Variants in KCNIP1 observed in about 807,000 individuals in gnomAD.
KCNIP1 encodes potassium voltage-gated channel interacting protein 1, also known as A-type potassium channel modulatory protein KCNIP1.
Under a neutral mutation model 33.0 loss-of-function variants are expected in KCNIP1, and 18 were observed. The ratio of observed to expected loss-of-function variants is 0.55; its 90% confidence interval spans 0.38 to 0.81. The LOEUF is 0.81. KCNIP1 is among the 30% of genes least tolerant of loss of function. The probability of loss-of-function intolerance (pLI) is 0.00; values close to 1 mark genes in which losing one functional copy is unlikely to be tolerated. For synonymous variants in KCNIP1, 93 were observed against 98.3 expected, an observed-to-expected ratio of 0.95 and a Z score of 0.32; for missense variants, 238 against 271.6, an observed-to-expected ratio of 0.88 and a Z score of 0.87.
intron 1 of KCNIP1, among the ~76,000 whole-genome samples, chr5:170,372,824 C>T (rs535723052): frequency 1.6e-4 from 24 of 152,108 alleles, no homozygotes; most frequent in Admixed American, 4.6e-4. Flanking sequence ...TCTCATGGGG[C>T]GTGGGGACAG....
At chr5:170,497,656 C>A (rs1757335153) in intron 1 of KCNIP1, among the ~76,000 whole-genome samples, 1 of 152,218 alleles carries the variant, frequency 6.6e-6, no homozygotes, top group African/African-American at 2.4e-5. Context: ...CCCCAGACAG[C>A]CATTTGATCA....
intron 1 of KCNIP1, among the ~76,000 whole-genome samples, chr5:170,618,883 A>G (rs1262481175): frequency 6.6e-6 from 1 of 152,128 alleles, no homozygotes; most frequent in Non-Finnish European, 1.5e-5. Context: ...TAGAAGGTAT[A>G]GAGAAGACAG....
chr5:170,659,843 G>C (rs1761407198), intron 1 of KCNIP1, among the ~76,000 whole-genome samples: 1 of 152,182 alleles, frequency 6.6e-6, no homozygotes, highest in South Asian at 2.1e-4. Context: ...TAATAGAACT[G>C]CTTCTGTGTC....
chr5:170,406,008 G>T (rs1157534879), intron 1 of KCNIP1, among the ~76,000 whole-genome samples: 2 of 152,176 alleles, frequency 1.3e-5, no homozygotes, highest in African/African-American at 4.8e-5. Flanking sequence ...TGACATTTCA[G>T]CCAGACACCT....
chr5:170,469,385 C>A (rs757699649), intron 1 of KCNIP1, among the ~76,000 whole-genome samples: 19 of 152,186 alleles, frequency 1.2e-4, no homozygotes, highest in Non-Finnish European at 2.2e-4. Flanking sequence ...CAGAGGGAGA[C>A]CCTGCCTCAA....
chr5:170,590,307 T>C (rs1319637588), intron 1 of KCNIP1, among the ~76,000 whole-genome samples: 1 of 152,068 alleles, frequency 6.6e-6, no homozygotes, highest in Non-Finnish European at 1.5e-5. Flanking sequence ...CACCTTGATA[T>C]TTGCCCAACA....
chr5:170,395,966 G>A (rs1052562540), intron 1 of KCNIP1, among the ~76,000 whole-genome samples: 2 of 152,196 alleles, frequency 1.3e-5, no homozygotes, highest in Non-Finnish European at 2.9e-5. Flanking sequence ...CACTGGCACC[G>A]TGAGAGCCTT....
chr5:170,589,216 G>T (rs971682859), intron 1 of KCNIP1, among the ~76,000 whole-genome samples: 2 of 151,936 alleles, frequency 1.3e-5, no homozygotes, highest in Non-Finnish European at 2.9e-5. Context: ...AGCCAGTATG[G>T]TCTCGATCTC....
chr5:170,503,442 G>A (rs556154274), upstream of KCNIP1, among the ~76,000 whole-genome samples: 3 of 151,292 alleles, frequency 2.0e-5, no homozygotes, highest in African/African-American at 7.3e-5. Flanking sequence ...AGGGCCCAGA[G>A]GGGCTGAGGG....
intron 1 of KCNIP1, among the ~76,000 whole-genome samples, chr5:170,466,704 T>C (rs1756615486): frequency 6.6e-6 from 1 of 152,188 alleles, no homozygotes; most frequent in Admixed American, 6.5e-5. Context: ...CTTCTGGCTA[T>C]GTTCTCACAT....
chr5:170,510,381 T>C (rs1448561623), intron 1 of KCNIP1, among the ~76,000 whole-genome samples: 1 of 152,188 alleles, frequency 6.6e-6, no homozygotes, highest in Non-Finnish European at 1.5e-5. Context: ...TAAGGATGGA[T>C]GGGCCAGAGT....
chr5:170,393,443 C>G (rs1754668312), intron 1 of KCNIP1, among the ~76,000 whole-genome samples: 1 of 152,202 alleles, frequency 6.6e-6, no homozygotes, highest in South Asian at 2.1e-4. Context: ...GCTGTGCGTT[C>G]ACAGACATCC....
chr5:170,603,974 G>T (rs1758799001), intron 1 of KCNIP1, among the ~76,000 whole-genome samples: 1 of 152,212 alleles, frequency 6.6e-6, no homozygotes, highest in Non-Finnish European at 1.5e-5. Flanking sequence ...GTGAGTAAAG[G>T]AGTCTCTGGG....
At chr5:170,550,451 T>C (rs1756567848) in intron 1 of KCNIP1, among the ~76,000 whole-genome samples, 1 of 152,134 alleles carries the variant, frequency 6.6e-6, no homozygotes, top group South Asian at 2.1e-4. Context: ...GTGATGATGA[T>C]GGCAATGATG....
At chr5:170,416,278 G>A (rs981278721) in intron 1 of KCNIP1, among the ~76,000 whole-genome samples, 2 of 152,144 alleles carry the variant, frequency 1.3e-5, no homozygotes, top group African/African-American at 4.8e-5. Context: ...CCATCAAGGA[G>A]GCAACGCTAT....
At chr5:170,571,686 G>T (rs569275131) in intron 1 of KCNIP1, among the ~76,000 whole-genome samples, 1 of 152,266 alleles carries the variant, frequency 6.6e-6, no homozygotes, top group East Asian at 1.9e-4. Context: ...GGCTAAGCAG[G>T]GTTGCCGGTA....
At chr5:170,690,333 T>C (rs1487541103) in intron 1 of KCNIP1, among the ~76,000 whole-genome samples, 6 of 152,174 alleles carry the variant, frequency 3.9e-5, no homozygotes, top group Non-Finnish European at 7.3e-5. Context: ...CCTGACTCCT[T>C]CTCAAAATCT....
chr5:170,620,430 T>G (rs943822091), intron 1 of KCNIP1, among the ~76,000 whole-genome samples: 5 of 152,224 alleles, frequency 3.3e-5, no homozygotes, highest in African/African-American at 1.2e-4. Context: ...AGAGATGCTT[T>G]CTTTCTCTCT....
chr5:170,519,563 G>A (rs1755276593), intron 1 of KCNIP1, among the ~76,000 whole-genome samples: 1 of 152,164 alleles, frequency 6.6e-6, no homozygotes, highest in Non-Finnish European at 1.5e-5. Context: ...TTGGGAAGAG[G>A]ATGGAAAATA....
Sources: gnomAD v4.1 joint callset for allele counts (sites outside exome capture counted in the v4.1 genomes callset) on GRCh38, gnomAD v4.1.1 for gene constraint, MANE v1.5 for transcripts, NCBI Gene and HGNC (gene_info 2026-07-23, HGNC 2026-07-21) for gene names.